ZNF532: variants seen among roughly 807,000 people sequenced by gnomAD.
ZNF532 encodes the protein zinc finger protein 532.
Under a neutral mutation model 89.3 loss-of-function variants are expected in ZNF532, and 22 were observed. The observed-to-expected ratio is 0.25, with a 90% CI of 0.18 to 0.35. The LOEUF is 0.35. Among genes scored for constraint, ZNF532 ranks in the 10% least tolerant of loss-of-function variants. The pLI, the probability that ZNF532 is intolerant of heterozygous loss-of-function variation, is 1.00. For missense variants in ZNF532, 1,132 were observed against 1,643.4 expected, an observed-to-expected ratio of 0.69 and a Z score of 5.38; for synonymous variants, 606 against 649.6, an observed-to-expected ratio of 0.93 and a Z score of 1.02.
At chr18:58,872,994 G>A (rs970460054) in intron 2 of ZNF532, among the ~76,000 whole-genome samples, 16 of 152,004 alleles carry the variant, frequency 1.1e-4, no homozygotes, top group African/African-American at 3.6e-4. Flanking sequence ...CAACACACCC[G>A]GCCTAAAATT....
rs184740590 is a variant in ZNF532 at position 58,936,637 on chromosome 18, T to C, written c.2528+2023T>C. Among the ~76,000 whole-genome samples the C allele has an allele frequency of 2.9e-3, 437 of 152,292 alleles. 3 individuals are homozygous for C. Among genetic ancestry groups the C allele is most frequent in the African/African-American group, 9.6e-3 (400 of 41,568 alleles). ...TAGATTTCAAGTTGTTAACCAAAAA[T>C]TTTGTGTTAAGTGTAGATTTTTTTC... On this transcript the variant is annotated intron_variant, in intron 4 of 9. Transcript: ENST00000591808.
intron 2 of ZNF532, among the ~76,000 whole-genome samples, chr18:58,881,397 T>C (rs1247202180): frequency 6.6e-6 from 1 of 152,148 alleles, no homozygotes; most frequent in African/African-American, 2.4e-5. Flanking sequence ...CCTCCCAAAG[T>C]GCTGGGATTA....
At chr18:58,910,128 C>T (rs921784040) in intron 2 of ZNF532, among the ~76,000 whole-genome samples, 2 of 152,288 alleles carry the variant, frequency 1.3e-5, no homozygotes, top group East Asian at 3.9e-4. Flanking sequence ...TCTGTGTACT[C>T]ATTTACCCAA....
At chr18:58,945,906 A>G (rs1465371858) in intron 5 of ZNF532, among the ~76,000 whole-genome samples, 1 of 151,550 alleles carries the variant, frequency 6.6e-6, no homozygotes, top group Non-Finnish European at 1.5e-5. Flanking sequence ...TCTTTTTTGT[A>G]TTTTAGTAGA....
At chr18:58,972,927 T>C (rs1427819584) in intron 7 of ZNF532, among the ~76,000 whole-genome samples, 1 of 152,238 alleles carries the variant, frequency 6.6e-6, no homozygotes, top group African/African-American at 2.4e-5. Flanking sequence ...TTTACTGTTT[T>C]CTGATGCAGA....
intron 7 of ZNF532, among the ~76,000 whole-genome samples, chr18:58,959,750 C>G (rs2065168214): frequency 6.6e-6 from 1 of 152,116 alleles, no homozygotes; most frequent in Non-Finnish European, 1.5e-5. Context: ...ACCTAAGAGT[C>G]TTTTTAAATT....
At position 58,942,889 on chromosome 18, in the gene ZNF532, A is replaced by T. The variant is rs137866595; in HGVS notation, c.2705+3268A>T. Among the ~76,000 whole-genome samples the T allele has an allele frequency of 1.8e-4, 28 of 152,318 alleles. No homozygotes were observed. The East Asian group carries it at 5.2e-3, about 28-fold the overall frequency. On this transcript the variant is annotated intron_variant, in intron 5 of 9. Transcript: ENST00000591808. Reference sequence around the variant, plus strand: ...ATGATTTGCATTACTTTTTTAAATGATCAGTGTTAAAATAACCTCTCACCC... The same window carrying T: ...ATGATTTGCATTACTTTTTTAAATGTTCAGTGTTAAAATAACCTCTCACCC...
At chr18:58,903,864 C>T (rs940104918) in intron 2 of ZNF532, among the ~76,000 whole-genome samples, 1 of 152,114 alleles carries the variant, frequency 6.6e-6, no homozygotes, top group Non-Finnish European at 1.5e-5. Context: ...TTTAAAAAAT[C>T]AGAAGTCTGA....
At chr18:58,916,562 C>A (rs752472049) in intron 2 of ZNF532, among the ~76,000 whole-genome samples, 2 of 152,224 alleles carry the variant, frequency 1.3e-5, no homozygotes, top group Non-Finnish European at 2.9e-5. Context: ...AGTAAGCCAT[C>A]GAAAGAAAAG....
chr18:58,884,047 T>G (rs1041456519), intron 2 of ZNF532, among the ~76,000 whole-genome samples: 1 of 152,206 alleles, frequency 6.6e-6, no homozygotes, highest in African/African-American at 2.4e-5. Context: ...TCTCAAAAAG[T>G]GTTTGCAAAT....
At chr18:58,902,340 T>A (rs1169480927) in intron 2 of ZNF532, among the ~76,000 whole-genome samples, 1 of 152,072 alleles carries the variant, frequency 6.6e-6, no homozygotes, top group African/African-American at 2.4e-5. Flanking sequence ...TGCTGAGATG[T>A]TTTGTGGATT....
In ZNF532 at chr18:58,901,789, C is replaced by G. The variant is rs549283175; in HGVS notation, c.-17-16482C>G. On this transcript the variant is annotated intron_variant, in intron 2 of 9. Transcript: ENST00000591808. ...TGGCTGCTTCTGGAGAACCCTGTCC[C>G]CATCTCCTCTGGAGCTCCAGGATTT... Among the ~76,000 whole-genome samples, 5 of 152,252 alleles carry G rather than the reference C, an allele frequency of 3.3e-5. 1 individual carries two copies. Among genetic ancestry groups the G allele is most frequent in the Admixed American group, 3.3e-4 (5 of 15,302 alleles).
chr18:58,878,972 A>G (rs190956200), intron 2 of ZNF532, among the ~76,000 whole-genome samples: 1 of 152,322 alleles, frequency 6.6e-6, no homozygotes, highest in Admixed American at 6.5e-5. Flanking sequence ...CCATGTCCTC[A>G]TTTTAAATAC....
intron 2 of ZNF532, among the ~76,000 whole-genome samples, chr18:58,872,158 G>C (rs2057038263): frequency 1.3e-5 from 2 of 152,074 alleles, no homozygotes; most frequent in South Asian, 4.1e-4. Context: ...CCTTATGAAG[G>C]ATCACTCTTT....
chr18:58,899,221 G>C (rs917449182), intron 2 of ZNF532, among the ~76,000 whole-genome samples: 6 of 152,204 alleles, frequency 3.9e-5, no homozygotes, highest in Non-Finnish European at 7.3e-5. Flanking sequence ...GGCCAGCAGA[G>C]GTAGAGAGTT....
intron 9 of ZNF532, among the ~76,000 whole-genome samples, chr18:58,982,825 T>G (rs185584075): frequency 1.3e-4 from 20 of 151,688 alleles, no homozygotes; most frequent in Admixed American, 1.2e-3. Flanking sequence ...TTAAAGAATA[T>G]GTGTGAAGCC....
intron 7 of ZNF532, among the ~76,000 whole-genome samples, chr18:58,962,718 C>T (rs2065481583): frequency 6.6e-6 from 1 of 152,074 alleles, no homozygotes; most frequent in African/African-American, 2.4e-5. Flanking sequence ...TCTCCTGCCT[C>T]AGCCTCCTGA....
intron 2 of ZNF532, among the ~76,000 whole-genome samples, chr18:58,914,012 T>C (rs1353049470): frequency 6.6e-6 from 1 of 152,238 alleles, no homozygotes; most frequent in African/African-American, 2.4e-5. Context: ...TAATTGGAAA[T>C]TGGGAAACCA....
chr18:58,927,639 G>GT (rs1285283204), intron 3 of ZNF532, among the ~76,000 whole-genome samples: 1 of 151,972 alleles, frequency 6.6e-6, no homozygotes, highest in African/African-American at 2.4e-5. Context: ...AATGTTCAGG[G>GT]TTTTGACTTG....
Sources: gnomAD v4.1 joint callset for allele counts (sites outside exome capture counted in the v4.1 genomes callset) on GRCh38, gnomAD v4.1.1 for gene constraint, MANE v1.5 for transcripts, NCBI Gene and HGNC (gene_info 2026-07-23, HGNC 2026-07-21) for gene names.